PER3: variants seen among roughly 807,000 people sequenced by gnomAD.
PER3 encodes period circadian protein homolog 3.
Under a neutral mutation model 127.2 loss-of-function variants are expected in PER3, and 107 were observed. That is an observed-to-expected ratio of 0.84 (90% confidence interval 0.72 to 0.99). The LOEUF (loss-of-function observed/expected upper bound fraction) is 0.99, where lower values mean the gene tolerates loss of function less well. Ranked by LOEUF, PER3 falls within the 50% of genes least tolerant of loss-of-function variation. The pLI is 0.00. For missense variants in PER3, 1,560 were observed against 1,525.8 expected, an observed-to-expected ratio of 1.02 and a Z score of -0.37; for synonymous variants, 618 against 585.8, an observed-to-expected ratio of 1.05 and a Z score of -0.79.
At position 7,837,157 on chromosome 1, in the gene PER3, C is replaced by T; in HGVS notation, c.3549+8C>T. On this transcript the variant is annotated splice_region_variant and intron_variant, in intron 21 of 21. Transcript: ENST00000377532. ...CAAGAAATCGACATTCAAGTAAGCA[C>T]AGTAATAATGGCTGTCATATACTCA... is the stretch of plus-strand genomic sequence containing the variant. 6.2e-7 allele frequency: 1 copy of T among 1,611,576 alleles called. No individual in the cohort carries two copies. Among genetic ancestry groups the T allele is most frequent in the Non-Finnish European group, 8.5e-7 (1 of 1,178,686 alleles).
rs755609184 is a variant in PER3, at chr1:7,788,079, G to T, written c.425G>T (p.Gly142Val). The T allele has an allele frequency of 3.7e-6, 6 of 1,613,474 alleles. No homozygotes were observed. The African/African-American group carries it at 8.0e-5, about 22-fold the overall frequency. The change falls in exon 5 of 22, where the codon GGA becomes GTA. Residue 142 changes from glycine (G) to valine (V), a missense_variant. By Grantham distance (109) the Gly-to-Val change is moderately radical. This residue lies in a region of PER3 where 1,332 missense variants were observed against 1,223.6 expected (regional missense o/e 1.09). Coordinates refer to ENST00000377532, the MANE Select transcript of PER3 (RefSeq NM_001377275.1). ...TFVAVFSFLS[G>V]RLVHISEQAA... ...GTGGCAGTATTTTCATTTCTGTCTG[G>T]AAGGTTAGTGCACATTTCTGAACAG...
At chr1:7,785,349 A>T in intron 2 of PER3, 92 bp from the exon 3 acceptor site, 3 of 1,024,078 alleles carry the variant, frequency 2.9e-6, no homozygotes, top group South Asian at 3.0e-5. Context: ...TAGAGCACTT[A>T]GAAACTTACC....
intron 21 of PER3, among the ~76,000 whole-genome samples, chr1:7,840,615 G>GCTTTTT (rs1465972544): frequency 2.7e-5 from 4 of 147,388 alleles, no homozygotes; most frequent in Non-Finnish European, 4.5e-5. Flanking sequence ...ACCGCACCCA[G>GCTTTTT]CTTTTTCTTT....
rs1488348054 is a variant in PER3, at chr1:7,820,506, C to G, written c.1823C>G (p.Pro608Arg). The change falls in exon 16 of 22, where the codon CCA becomes CGA. Residue 608 changes from proline to arginine, a missense_variant. Physicochemically the swap from Pro to Arg is moderately radical, Grantham distance 103. This residue lies in a region of PER3 where 1,332 missense variants were observed against 1,223.6 expected (regional missense o/e 1.09). Transcript: ENST00000377532. ...CCAGCCATACCTAAATCAGAAATGC[C>G]AACAAATGGACGGTCCATAGACACA... ...QIPAIPKSEMPTNGRSIDTGG... is the reference protein window; with the variant it reads ...QIPAIPKSEMRTNGRSIDTGG... 6.2e-7 allele frequency: 1 copy of G among 1,613,678 alleles called. No homozygotes were observed. Among genetic ancestry groups the G allele is most frequent in the Non-Finnish European group, 8.5e-7 (1 of 1,179,850 alleles).
chr1:7,797,857 C>G (rs912807138), intron 6 of PER3, among the ~76,000 whole-genome samples: 4 of 152,130 alleles, frequency 2.6e-5, no homozygotes, highest in African/African-American at 9.7e-5. Context: ...CGCTGGGCAG[C>G]TGCAGTGGTA....
intron 21 of PER3, among the ~76,000 whole-genome samples, chr1:7,838,736 A>G (rs1316663103): frequency 6.6e-6 from 1 of 152,138 alleles, no homozygotes; most frequent in Non-Finnish European, 1.5e-5. Context: ...ATCATACATT[A>G]TTTGTCTTGG....
Position 7,832,855 on chromosome 1 carries a change from TG to T in PER3, c.3214+2696del, listed in dbSNP as rs199709802. Among the ~76,000 whole-genome samples the T allele has an allele frequency of 4.4e-3, 653 of 149,284 alleles. 5 individuals are homozygous for T. Among genetic ancestry groups the T allele is most frequent in the Non-Finnish European group, 5.7e-3 (384 of 67,032 alleles). ...CCCTCAAATTTTTTTTTTTTTTTTT[TG>T]GAACCAAGGTCTCACTCTGTTGCCC... On this transcript the variant is annotated intron_variant, in intron 19 of 21. Transcript: ENST00000377532.
In PER3 at chr1:7,827,402, C is replaced by A. The variant is rs550633718; in HGVS notation, c.2473C>A (p.Pro825Thr). 8.1e-6 allele frequency: 13 copies of A among 1,614,176 alleles called. No individual in the cohort carries two copies. The highest frequency in any genetic ancestry group is 1.1e-5 in the Non-Finnish European group (13 of 1,180,028). ...CTCACCCGGAAGAGAATACGCAGCC[C>A]CCGGAACTGCACCGGAAGGCCTGCA... ...ATSPGREYAA[P>T]GTAPEGLHGL... Residue 825 changes from proline to threonine, a missense_variant, in exon 18 of 22, where the codon CCC (proline) becomes ACC (threonine). This residue lies in a region of PER3 where 1,332 missense variants were observed against 1,223.6 expected (regional missense o/e 1.09). Coordinates refer to ENST00000377532, the MANE Select transcript of PER3 (RefSeq NM_001377275.1).
At chr1:7,810,376 T>C in intron 12 of PER3, 62 bp from the exon 13 acceptor site, 1 of 1,183,482 alleles carries the variant, frequency 8.4e-7, no homozygotes, top group Non-Finnish European at 1.2e-6. Flanking sequence ...ATTTTGTTTA[T>C]GTATCTTTTA....
At chr1:7,838,417 C>CT (rs748080297) in intron 21 of PER3, among the ~76,000 whole-genome samples, 33 of 151,182 alleles carry the variant, frequency 2.2e-4, no homozygotes, top group Admixed American at 8.6e-4. Flanking sequence ...TCTCTTTTTT[C>CT]TTTTTTTTTG....
At chr1:7,806,853 CAT>C (rs951716505) in intron 10 of PER3, among the ~76,000 whole-genome samples, 77 of 141,270 alleles carry the variant, frequency 5.5e-4, no homozygotes, top group East Asian at 4.8e-3. Flanking sequence ...CACACACACA[CAT>C]ACATACACAA....
chr1:7,795,141 G>A (rs182227432), intron 6 of PER3, among the ~76,000 whole-genome samples: 149 of 152,234 alleles, frequency 9.8e-4, no homozygotes, highest in Non-Finnish European at 2.0e-3. Context: ...GGGAGGGGCT[G>A]TCTTGTTCCA....
At chr1:7,820,426 G>A in intron 15 of PER3, 41 bp from the exon 16 acceptor site, 1 of 1,560,778 alleles carries the variant, frequency 6.4e-7, no homozygotes, top group Non-Finnish European at 8.7e-7. Context: ...TTTCTCGTTG[G>A]GAATTTTTCT....
At position 7,799,199 on chromosome 1, in the gene PER3, C is replaced by G. The variant is rs560587381; in HGVS notation, c.793+526C>G. On this transcript the variant is annotated intron_variant, in intron 7 of 21. Transcript: ENST00000377532. ...CATATGCTTTCCTGCAAATTACCAT[C>G]CTATGCAACAGTCACACAATAAAAA... Among the ~76,000 whole-genome samples the G allele has an allele frequency of 2.0e-5, 3 of 152,256 alleles. No homozygotes were observed. The East Asian group carries it at 5.8e-4, about 29-fold the overall frequency.
Position 7,840,701 on chromosome 1 carries a change from G to C in PER3, c.3550-1971G>C, listed in dbSNP as rs149716827. 4.9e-3 allele frequency among the ~76,000 whole-genome samples: 745 copies of C among 151,986 alleles called. 7 individuals are homozygous for C. The highest frequency in any genetic ancestry group is 0.017 in the African/African-American group (715 of 41,444). On this transcript the variant is annotated intron_variant, in intron 21 of 21. Transcript: ENST00000377532. ...AGTGGTATGATCACAGTTCACTGCA[G>C]CCTCTACCTCCTGGTCCCAAGTGAT...
chr1:7,808,387 A>T lies in PER3; in HGVS notation c.1137-506A>T, dbSNP rs1005319237. On this transcript the variant is annotated intron_variant, in intron 10 of 21. Coordinates refer to ENST00000377532, the MANE Select transcript of PER3 (RefSeq NM_001377275.1). ...TCAGGTCATAGATTGAAGATGCTCT[A>T]AAATTTGAGTATAAATAAGACCGAA... is the stretch of plus-strand genomic sequence containing the variant. Among the ~76,000 whole-genome samples the T allele has an allele frequency of 2.6e-5, 4 of 152,192 alleles. No individual in the cohort carries two copies. In the East Asian group the frequency reaches 7.7e-4, roughly 29 times the overall value.
Position 7,829,821 on chromosome 1 carries a change from C to T in PER3, c.2887-13C>T, listed in dbSNP as rs370063452. ...AAGATTAAAGTGTCTTTTCATGTGC[C>T]CTTACTTTCTAGCAGTGTGTTACAG... On this transcript the variant is annotated splice_polypyrimidine_tract_variant and intron_variant, in intron 18 of 21. Transcript: ENST00000377532. 14 of 1,598,784 alleles carry T rather than the reference C, an allele frequency of 8.8e-6. No homozygotes were observed. In the African/African-American group the frequency reaches 1.6e-4, roughly 18 times the overall value.
In PER3 at chr1:7,791,408, G is replaced by A. The variant is rs1036014315; in HGVS notation, c.593-2549G>A. Among the ~76,000 whole-genome samples, 5 of 152,234 alleles carry A rather than the reference G, an allele frequency of 3.3e-5. No individual in the cohort carries two copies. In the East Asian group the frequency reaches 9.6e-4, roughly 29 times the overall value. ...GCCATGGCTGGAGGTGAAGCAGCTG[G>A]AATGGAGGGCATCATGTCCCAAGGC... is the stretch of plus-strand genomic sequence containing the variant. On this transcript the variant is annotated intron_variant, in intron 5 of 21. Transcript: ENST00000377532.
intron 10 of PER3, among the ~76,000 whole-genome samples, chr1:7,807,613 C>T (rs1036285879): frequency 2.0e-5 from 3 of 152,168 alleles, no homozygotes; most frequent in Non-Finnish European, 4.4e-5. Context: ...TGGGCCAGTT[C>T]CTCAGAGTAC....
Sources: allele counts gnomAD v4.1 joint callset (sites outside exome capture counted in the v4.1 genomes callset), GRCh38; gene constraint gnomAD v4.1.1; regional missense constraint gnomAD v4.1.1; transcripts MANE v1.5; gene names NCBI Gene and HGNC (gene_info 2026-07-23, HGNC 2026-07-21).